IARS1: variants seen among roughly 807,000 people sequenced by gnomAD.
The protein encoded by IARS1 is isoleucine--tRNA ligase, cytoplasmic.
Under a neutral mutation model 168.2 loss-of-function variants are expected in IARS1, and 124 were observed. The observed-to-expected ratio is 0.74, with a 90% CI of 0.64 to 0.86. IARS1 has a LOEUF of 0.86. IARS1 is among the 40% of genes least tolerant of loss of function. The probability of loss-of-function intolerance (pLI) is 0.00; values close to 1 mark genes in which losing one functional copy is unlikely to be tolerated. For missense variants in IARS1, 1,452 were observed against 1,515.8 expected, an observed-to-expected ratio of 0.96 and a Z score of 0.70; for synonymous variants, 532 against 529.4, an observed-to-expected ratio of 1.00 and a Z score of -0.07.
chr9:92,253,236 G>T, intron 21 of IARS1, 126 bp downstream of exon 21: 2 of 678,836 alleles, frequency 2.9e-6, no homozygotes, highest in East Asian at 5.3e-5. Flanking sequence ...AAAAGGAAAA[G>T]AAAAACAAAG....
In IARS1 at chr9:92,262,981, A is replaced by T; in HGVS notation, c.1775T>A (p.Leu592His). 6.2e-7 allele frequency: 1 copy of T among 1,613,806 alleles called. No homozygotes were observed. The highest frequency in any genetic ancestry group is 8.5e-7 in the Non-Finnish European group (1 of 1,179,692). The change falls in exon 17 of 34, where the codon CTT becomes CAT. Residue 592 changes from leucine to histidine, a missense_variant. Transcript: ENST00000443024. ...AAAGTTGACCTACCTTGCCAGGACA[A>T]GCCCATTCACAATTACGTTCTTGAA... ...PPFKNVIVNG[L>H]VLASDGQKMS...
At chr9:92,264,473 T>C (rs1831996297) in intron 16 of IARS1, among the ~76,000 whole-genome samples, 1 of 152,130 alleles carries the variant, frequency 6.6e-6, no homozygotes, top group African/African-American at 2.4e-5. Flanking sequence ...TCCTCTCTCA[T>C]ATGTATATTT....
chr9:92,250,869 T>C, intron 22 of IARS1, 35 bp from the exon 23 acceptor site: 1 of 1,570,848 alleles, frequency 6.4e-7, no homozygotes, highest in Non-Finnish European at 8.6e-7. Context: ...GTCAGTTATA[T>C]GCAGTCATCA....
intron 30 of IARS1, among the ~76,000 whole-genome samples, chr9:92,232,181 T>C (rs1826816178): frequency 1.3e-5 from 2 of 152,236 alleles, no homozygotes; most frequent in African/African-American, 4.8e-5. Context: ...CTAGCTTTGT[T>C]TGTGTTATGT....
intron 20 of IARS1, among the ~76,000 whole-genome samples, chr9:92,254,146 C>G (rs1480842492): frequency 6.6e-6 from 1 of 152,028 alleles, no homozygotes; most frequent in Non-Finnish European, 1.5e-5. Context: ...ATAGAACTGG[C>G]CTTCTAAACA....
intron 1 of IARS1, among the ~76,000 whole-genome samples, chr9:92,292,195 T>G (rs1296811442): frequency 2.0e-5 from 3 of 150,682 alleles, no homozygotes; most frequent in African/African-American, 7.4e-5. Flanking sequence ...TTTTTTTTTT[T>G]TTTTTGGTGG....
In IARS1 at chr9:92,268,154, G is replaced by A. The variant is rs188105120; in HGVS notation, c.1431+20C>T. 1,156 of 1,549,934 alleles carry A rather than the reference G, an allele frequency of 7.5e-4. No homozygotes were observed. Among genetic ancestry groups the A allele is most frequent in the Non-Finnish European group, 9.4e-4 (1,090 of 1,154,190 alleles). On this transcript the variant is annotated intron_variant, in intron 14 of 33. Transcript: ENST00000443024. The stretch of plus-strand genomic sequence containing the variant: ...ATGCTTTAGCAAAAATCAACACAAG[G>A]AAATACTGCCATGCCTCACCTCCTC...
chr9:92,264,336 CAAAA>C (rs528571634), intron 16 of IARS1, among the ~76,000 whole-genome samples: 2 of 99,020 alleles, frequency 2.0e-5, no homozygotes, highest in Non-Finnish European at 4.2e-5. Flanking sequence ...GATTCTGTCT[CAAAA>C]AAAAAAAAAA....
At chr9:92,216,922 C>T (rs1187334116) in intron 33 of IARS1, among the ~76,000 whole-genome samples, 1 of 150,992 alleles carries the variant, frequency 6.6e-6, no homozygotes, top group South Asian at 2.2e-4. Context: ...ACCAAGCGGA[C>T]CTAGTAGACA....
At chr9:92,281,614 G>T (rs1470934926) in intron 6 of IARS1, among the ~76,000 whole-genome samples, 1 of 152,024 alleles carries the variant, frequency 6.6e-6, no homozygotes, top group Non-Finnish European at 1.5e-5. Flanking sequence ...ACTTGAAATT[G>T]TAACAGACCC....
intron 23 of IARS1, 83 bp downstream of exon 23, chr9:92,250,630 G>C (rs1005161754): frequency 6.1e-5 from 86 of 1,417,924 alleles, no homozygotes; most frequent in Non-Finnish European, 8.1e-5. Flanking sequence ...AGCTGGAGCA[G>C]GGAAATCCCT....
At chr9:92,276,649 G>A (rs1833818159) in intron 9 of IARS1, among the ~76,000 whole-genome samples, 1 of 152,184 alleles carries the variant, frequency 6.6e-6, no homozygotes, top group Non-Finnish European at 1.5e-5. Context: ...CTCCCCACAC[G>A]GAACAGAAAC....
At position 92,226,576 on chromosome 9, in the gene IARS1, G is replaced by T. The variant is rs374547022; in HGVS notation, c.3409+2425C>A. 2.0e-5 allele frequency among the ~76,000 whole-genome samples: 3 copies of T among 152,290 alleles called. No individual in the cohort carries two copies. In the South Asian group the frequency reaches 6.2e-4, roughly 32 times the overall value. On this transcript the variant is annotated intron_variant, in intron 31 of 33. Transcript: ENST00000443024. ...AGGGGGCTAGGGAATAAAAATAAAA[G>T]AAATGTACTGTCTCAAAGTTCTGGA...
At chr9:92,283,985 A>T (rs879546811) in intron 6 of IARS1, among the ~76,000 whole-genome samples, 2 of 152,124 alleles carry the variant, frequency 1.3e-5, no homozygotes, top group Non-Finnish European at 2.9e-5. Flanking sequence ...GTTCAAGACC[A>T]GCCCAGGCAA....
At chr9:92,247,292 G>T in intron 26 of IARS1, 85 bp downstream of exon 26, 1 of 1,232,834 alleles carries the variant, frequency 8.1e-7, no homozygotes, top group Non-Finnish European at 1.2e-6. Flanking sequence ...AGGAAAGGAT[G>T]TGATATTAAA....
At chr9:92,240,131 C>T (rs189027285) in intron 30 of IARS1, among the ~76,000 whole-genome samples, 1 of 152,270 alleles carries the variant, frequency 6.6e-6, no homozygotes, top group Admixed American at 6.5e-5. Context: ...CTTTGAGAGT[C>T]TTCTTATGCT....
intron 31 of IARS1, among the ~76,000 whole-genome samples, chr9:92,226,370 T>G (rs1825678073): frequency 6.6e-6 from 1 of 152,244 alleles, no homozygotes; most frequent in South Asian, 2.1e-4. Flanking sequence ...CAGTTAATAG[T>G]ACCTCACTGT....
Position 92,252,475 on chromosome 9 carries a change from A to C in IARS1, c.2230-590T>G, listed in dbSNP as rs1358897775. On this transcript the variant is annotated intron_variant, in intron 21 of 33. Transcript: ENST00000443024. Reference sequence around the variant, plus strand: ...AGGCTTTTATTATTAATGCCTTTTAAGACATGACTGGCCAGGCACGGTGGT... The same window carrying C: ...AGGCTTTTATTATTAATGCCTTTTACGACATGACTGGCCAGGCACGGTGGT... 4 of 473,904 alleles carry C rather than the reference A, an allele frequency of 8.4e-6. No homozygotes were observed. In the East Asian group the frequency reaches 2.4e-4, roughly 29 times the overall value. The allele number at this position is 473,904 out of a possible 1,614,324, so 29.4% of individuals were successfully genotyped here.
chr9:92,287,957 A>G, intron 3 of IARS1, 47 bp from the exon 4 acceptor site: 1 of 1,605,358 alleles, frequency 6.2e-7, no homozygotes, highest in South Asian at 1.1e-5. Flanking sequence ...TATGAAAACA[A>G]CTGCAACTAT....
Sources: gnomAD v4.1 joint callset for allele counts (sites outside exome capture counted in the v4.1 genomes callset) on GRCh38, gnomAD v4.1.1 for gene constraint, MANE v1.5 for transcripts, NCBI Gene and HGNC (gene_info 2026-07-23, HGNC 2026-07-21) for gene names.